TACC2: variants seen among roughly 807,000 people sequenced by gnomAD.
TACC2 encodes the protein transforming acidic coiled-coil-containing protein 2.
TACC2 carries 137 observed loss-of-function variants against 227.3 expected under a neutral mutation model. That is an observed-to-expected ratio of 0.60 (90% CI 0.52 to 0.69). The LOEUF (loss-of-function observed/expected upper bound fraction) is 0.69. Among genes scored for constraint, TACC2 ranks in the 30% least tolerant of loss-of-function variants. The pLI, the probability that TACC2 is intolerant of heterozygous loss-of-function variation, is 0.00. For synonymous variants in TACC2, 1,523 were observed against 1,487.5 expected, an observed-to-expected ratio of 1.02 and a Z score of -0.55; for missense variants, 3,470 against 3,694.4, an observed-to-expected ratio of 0.94 and a Z score of 1.57.
At chr10:122,169,551 A>C (rs1393138929) in intron 7 of TACC2, among the ~76,000 whole-genome samples, 1 of 152,208 alleles carries the variant, frequency 6.6e-6, no homozygotes, top group Non-Finnish European at 1.5e-5. Context: ...TTTTAGTTGT[A>C]AAAACAGACT....
intron 15 of TACC2, among the ~76,000 whole-genome samples, chr10:122,229,959 T>A (rs988484389): frequency 6.6e-6 from 1 of 152,162 alleles, no homozygotes. Flanking sequence ...GACTAGGGTG[T>A]TCAGAGCAAA....
In TACC2 at chr10:122,085,900, G is replaced by A; in HGVS notation, c.3400G>A (p.Gly1134Ser). 6.2e-7 allele frequency: 1 copy of A among 1,613,298 alleles called. No homozygotes were observed. Among genetic ancestry groups the A allele is most frequent in the Non-Finnish European group, 8.5e-7 (1 of 1,179,632 alleles). Residue 1134 changes from glycine to serine, a missense_variant, in exon 4 of 23, where the codon GGC (glycine) becomes AGC (serine). Physicochemically the swap from Gly to Ser is moderately conservative, Grantham distance 56. Around this residue, in one of 10 missense-constraint regions of TACC2, gnomAD observed 1,924 missense variants for 1,978.3 expected, o/e 0.97. Transcript: ENST00000369005. ...TGAAGCCGGGGCTGCTGAGACTGGT[G>A]GCAGCGCTGGTGCAGGAGACCCAGG... is the stretch of plus-strand genomic sequence containing the variant. ...GGEAGAAETGGSAGAGDPGKQ... is the reference protein window; with the variant it reads ...GGEAGAAETGSSAGAGDPGKQ...
Position 122,087,485 on chromosome 10 carries a change from C to A in TACC2, c.4985C>A (p.Pro1662His). The change falls in exon 4 of 23, where the codon CCC becomes CAC. Residue 1662 changes from proline to histidine, a missense_variant. Transcript: ENST00000369005. Reference sequence around the variant, plus strand: ...GACACGCTTGGGGGTGAAAGGAGACCCGGAGTCACTGCTGGCATCTTGGAA... The same window carrying A: ...GACACGCTTGGGGGTGAAAGGAGACACGGAGTCACTGCTGGCATCTTGGAA... ...TLDTLGGERR[P>H]GVTAGILEMR... The A allele has an allele frequency of 1.9e-6, 3 of 1,613,960 alleles. No homozygotes were observed. Among genetic ancestry groups the A allele is most frequent in the Non-Finnish European group, 2.5e-6 (3 of 1,180,042 alleles).
intron 5 of TACC2, among the ~76,000 whole-genome samples, chr10:122,119,002 G>A (rs990337103): frequency 6.6e-6 from 1 of 152,112 alleles, no homozygotes; most frequent in Non-Finnish European, 1.5e-5. Context: ...AACCACATAA[G>A]ATGTACCATC....
At chr10:122,226,928 A>G (rs1277034955) in intron 13 of TACC2, among the ~76,000 whole-genome samples, 1 of 152,206 alleles carries the variant, frequency 6.6e-6, no homozygotes, top group Non-Finnish European at 1.5e-5. Flanking sequence ...CCCAGCATTC[A>G]AAGCTCGAAT....
At chr10:122,129,616 C>T (rs777437413) in intron 5 of TACC2, among the ~76,000 whole-genome samples, 37 of 152,254 alleles carry the variant, frequency 2.4e-4, no homozygotes, top group Non-Finnish European at 5.1e-4. Flanking sequence ...CTCTGTTTTT[C>T]CACTCAGATT....
At chr10:122,224,596 G>A in intron 11 of TACC2, 130 bp from the exon 12 acceptor site, 4 of 744,562 alleles carry the variant, frequency 5.4e-6, no homozygotes, top group South Asian at 1.6e-5. Flanking sequence ...CTAGACAGTG[G>A]GCACCGTCAG....
rs1482522779 is a variant in TACC2 at position 122,087,344 on chromosome 10, C to T, written c.4844C>T (p.Pro1615Leu). 2.5e-6 allele frequency: 4 copies of T among 1,613,902 alleles called. No homozygotes were observed. The African/African-American group carries it at 4.0e-5, about 16-fold the overall frequency. The stretch of plus-strand genomic sequence containing the variant: ...GACAGTCCACATGGAGAAGATGGTC[C>T]CGGGGACTTTGCTCACACAGGGGTT... ...ACDSPHGEDG[P>L]GDFAHTGVPG... Residue 1615 changes from proline to leucine, a missense_variant, in exon 4 of 23, where the codon CCC becomes CTC. Around this residue, in one of 10 missense-constraint regions of TACC2, gnomAD observed 1,924 missense variants for 1,978.3 expected, o/e 0.97. Transcript: ENST00000369005.
chr10:122,005,321 T>C (rs1417906596), intron 1 of TACC2, among the ~76,000 whole-genome samples: 1 of 151,236 alleles, frequency 6.6e-6, no homozygotes. Context: ...TGACCTCAGG[T>C]GATCCACCCA....
intron 7 of TACC2, among the ~76,000 whole-genome samples, chr10:122,174,310 C>T (rs1224283603): frequency 3.3e-5 from 5 of 152,192 alleles, no homozygotes; most frequent in Non-Finnish European, 7.3e-5. Context: ...AACAGTGCAA[C>T]GCTTTGGCAA....
At chr10:121,990,222 C>T (rs979685654) in intron 1 of TACC2, among the ~76,000 whole-genome samples, 2 of 151,792 alleles carry the variant, frequency 1.3e-5, no homozygotes, top group Non-Finnish European at 2.9e-5. Flanking sequence ...GCAATCCTCC[C>T]ACCAGGAGCA....
intron 5 of TACC2, among the ~76,000 whole-genome samples, chr10:122,089,463 A>G (rs967493318): frequency 2.0e-5 from 3 of 152,222 alleles, no homozygotes; most frequent in Non-Finnish European, 4.4e-5. Flanking sequence ...AGTGACCTTC[A>G]CACTTGCAGT....
At position 122,228,018 on chromosome 10, in the gene TACC2, G is replaced by A. The variant is rs2095661266; in HGVS notation, c.7896+10G>A. 6.2e-7 allele frequency: 1 copy of A among 1,610,214 alleles called. No homozygotes were observed. The highest frequency in any genetic ancestry group is 8.5e-7 in the Non-Finnish European group (1 of 1,178,212). ...AGAAGCGATTGAAATTGTAAGTGGA[G>A]TTGGAGGGCCCCAGATCACAGGGGA... On this transcript the variant is annotated intron_variant, in intron 14 of 22. Transcript: ENST00000369005.
chr10:122,027,376 T>C (rs1276767601), intron 2 of TACC2, among the ~76,000 whole-genome samples: 2 of 152,218 alleles, frequency 1.3e-5, no homozygotes, highest in African/African-American at 4.8e-5. Context: ...TGCGAATAAT[T>C]TCTCCCTGCC....
At chr10:122,200,985 G>A (rs1328556180) in intron 8 of TACC2, among the ~76,000 whole-genome samples, 1 of 131,034 alleles carries the variant, frequency 7.6e-6, no homozygotes, top group Non-Finnish European at 1.7e-5. Flanking sequence ...TGAGAGGACG[G>A]CCACCTCACC....
intron 8 of TACC2, among the ~76,000 whole-genome samples, chr10:122,196,944 AAAAAAAAC>A (rs1226471824): frequency 4.2e-5 from 6 of 143,786 alleles, no homozygotes; most frequent in East Asian, 4.2e-4. Flanking sequence ...AAAAAAAAAA[AAAAAAAAC>A]AAAAAAACAA....
intron 5 of TACC2, among the ~76,000 whole-genome samples, chr10:122,129,052 CTTATTTTAATTA>C (rs1475472283): frequency 3.2e-4 from 29 of 91,584 alleles, no homozygotes; most frequent in Middle Eastern, 5.8e-3. Flanking sequence ...GAAGATCTAT[CTTATTTTAATTA>C]TTATTATTAT....
chr10:122,124,516 G>A (rs1391762540), intron 5 of TACC2, among the ~76,000 whole-genome samples: 2 of 152,212 alleles, frequency 1.3e-5, no homozygotes, highest in African/African-American at 4.8e-5. Flanking sequence ...CATGGTCTGA[G>A]CGTCTGAGGT....
At chr10:122,077,430 A>G (rs1413317414) in intron 3 of TACC2, among the ~76,000 whole-genome samples, 1 of 152,162 alleles carries the variant, frequency 6.6e-6, no homozygotes, top group Non-Finnish European at 1.5e-5. Flanking sequence ...AAAGAAACTG[A>G]TCTGGGAGCC....
Sources: gnomAD v4.1 joint callset for allele counts (sites outside exome capture counted in the v4.1 genomes callset) on GRCh38, gnomAD v4.1.1 for gene constraint, gnomAD v4.1.1 regional missense constraint, MANE v1.5 for transcripts, NCBI Gene and HGNC (gene_info 2026-07-23, HGNC 2026-07-21) for gene names.